The following LOXL4 variants were observed in gnomAD, a reference collection of about 807,000 sequenced individuals.
LOXL4 encodes the protein lysyl oxidase like 4, also known as lysyl oxidase homolog 4.
A neutral mutation model predicts 89.1 loss-of-function variants in LOXL4; 72 were observed. The observed-to-expected ratio is 0.81, with a 90% confidence interval of 0.67 to 0.98. LOXL4 has a LOEUF of 0.98. Among genes scored for constraint, LOXL4 ranks in the 50% least tolerant of loss-of-function variants. The pLI is 0.00. For synonymous variants in LOXL4, 355 were observed against 392.1 expected, an observed-to-expected ratio of 0.91 and a Z score of 1.12; for missense variants, 984 against 1,017.5, an observed-to-expected ratio of 0.97 and a Z score of 0.45.
At chr10:98,267,753 C>T (rs1450709662) in intron 1 of LOXL4, among the ~76,000 whole-genome samples, 1 of 152,198 alleles carries the variant, frequency 6.6e-6, no homozygotes, top group Non-Finnish European at 1.5e-5. Context: ...CCCAGATCAG[C>T]CCTGGTTCGT....
intron 1 of LOXL4, among the ~76,000 whole-genome samples, chr10:98,265,657 C>T (rs1185405220): frequency 1.4e-5 from 1 of 71,470 alleles, no homozygotes; most frequent in Non-Finnish European, 3.5e-5. Flanking sequence ...CTTGGCCTCC[C>T]AAAGTGACGG....
rs373235408 is a variant in LOXL4 at position 98,256,917 on chromosome 10, C to T, written c.1291G>A (p.Glu431Lys). Residue 431 changes from glutamate to lysine, a missense_variant, in exon 9 of 15, where the codon GAG becomes AAG. Coordinates refer to ENST00000260702, the MANE Select transcript of LOXL4 (RefSeq NM_032211.7). ...VRLAGGRIPE[E>K]GLLEVQVEVN... ...TCCACCTGCACCTCCAATAGCCCCT[C>T]CTCAGGGATACGCCCACCAGCCAAG... 16 of 1,614,040 alleles carry T rather than the reference C, an allele frequency of 9.9e-6. No homozygotes were observed. Among genetic ancestry groups the T allele is most frequent in the Middle Eastern group, 1.6e-4 (1 of 6,084 alleles).
Position 98,248,912 on chromosome 10 carries a change from G to A in LOXL4, c.*9C>T. On this transcript the variant is annotated 3_prime_UTR_variant, in exon 15 of 15. Transcript: ENST00000260702. The stretch of plus-strand genomic sequence containing the variant: ...TATCGGCAGCAGCTAGGAGTGTGCA[G>A]TGACAGCTTCAGATGAGGTTGTTCC... The A allele has an allele frequency of 5.0e-6, 8 of 1,611,532 alleles. No homozygotes were observed. Among genetic ancestry groups the A allele is most frequent in the Non-Finnish European group, 6.8e-6 (8 of 1,178,414 alleles).
chr10:98,261,470 G>A (rs1310250501), intron 3 of LOXL4, among the ~76,000 whole-genome samples: 1 of 152,204 alleles, frequency 6.6e-6, no homozygotes, highest in East Asian at 1.9e-4. Flanking sequence ...GGCCTTCTCT[G>A]TACCACCCTG....
chr10:98,257,386 C>G (rs1374418554), intron 8 of LOXL4, among the ~76,000 whole-genome samples: 1 of 152,220 alleles, frequency 6.6e-6, no homozygotes. Context: ...CTGTGGCCCT[C>G]TTTCCCAGGC....
intron 4 of LOXL4, 101 bp downstream of exon 4, chr10:98,260,821 T>C: frequency 2.4e-6 from 3 of 1,265,328 alleles, no homozygotes; most frequent in Non-Finnish European, 3.3e-6. Flanking sequence ...ACACTCAGAC[T>C]CATGCACACA....
At chr10:98,249,119 A>G (rs1282605814) in intron 14 of LOXL4, 128 bp from the exon 15 acceptor site, 6 of 694,314 alleles carry the variant, frequency 8.6e-6, no homozygotes, top group Admixed American at 2.3e-5. Context: ...ACAGACACCA[A>G]TCATTTTATA....
intron 6 of LOXL4, among the ~76,000 whole-genome samples, chr10:98,258,737 C>G (rs563909889): frequency 3.1e-4 from 47 of 152,302 alleles, no homozygotes; most frequent in African/African-American, 1.1e-3. Context: ...AGGATCAGTA[C>G]CAGCCCTCAG....
At chr10:98,249,139 C>G in intron 14 of LOXL4, 148 bp from the exon 15 acceptor site, 2 of 657,974 alleles carry the variant, frequency 3.0e-6, no homozygotes, top group Non-Finnish European at 5.5e-6. Context: ...AGAAATAGGC[C>G]TGGGACAGGT....
chr10:98,267,545 C>T (rs1261063417), intron 1 of LOXL4, among the ~76,000 whole-genome samples: 1 of 152,194 alleles, frequency 6.6e-6, no homozygotes, highest in African/African-American at 2.4e-5. Flanking sequence ...CTCTTCTCAG[C>T]AGCCTCCTCT....
intron 10 of LOXL4, 62 bp downstream of exon 10, chr10:98,255,515 C>T: frequency 6.6e-7 from 1 of 1,522,420 alleles, no homozygotes; most frequent in Non-Finnish European, 8.9e-7. Flanking sequence ...GCATGCAGGG[C>T]CCTCCCTGAA....
At chr10:98,253,876 T>TAACCCTCC in intron 10 of LOXL4, 80 bp from the exon 11 acceptor site, 1 of 1,576,494 alleles carries the variant, frequency 6.3e-7, no homozygotes, top group Non-Finnish European at 8.6e-7. Context: ...AGGGCAAGCT[T>TAACCCTCC]GCCCCCAGAT....
In LOXL4 at chr10:98,253,708, G is replaced by C. The variant is rs778061702; in HGVS notation, c.1680C>G (p.His560Gln). The C allele has an allele frequency of 1.2e-6, 2 of 1,614,256 alleles. No homozygotes were observed. Among genetic ancestry groups the C allele is most frequent in the African/African-American group, 2.7e-5 (2 of 75,072 alleles). ...DRPLSQLYCA[H>Q]EENCLSKSAD... ...CAGACTTGGAGAGGCAGTTCTCCTC[G>C]TGGGCACAATACAGCTGGCTGAGCG... Residue 560 changes from histidine (H) to glutamine (Q), a missense_variant, in exon 11 of 15, where the codon CAC becomes CAG. His to Gln is a conservative substitution (Grantham distance 24, BLOSUM62 0). Transcript: ENST00000260702.
At position 98,259,056 on chromosome 10, in the gene LOXL4, A is replaced by G; in HGVS notation, c.874T>C (p.Phe292Leu). 2.5e-6 allele frequency: 4 copies of G among 1,571,264 alleles called. 1 individual carries two copies. The South Asian group carries it at 4.6e-5, about 18-fold the overall frequency. ...AVVSCVAGPH[F>L]RPPKTKPQRK... ...TGTGGCTTTGTCTTCGGTGGGCGGA[A>G]GTGAGGCCCTGCCACACAGCTGACC... Residue 292 changes from phenylalanine to leucine, a missense_variant, in exon 6 of 15, where the codon TTC becomes CTC. Phe to Leu is a conservative substitution (Grantham distance 22, BLOSUM62 0). Transcript: ENST00000260702.
At chr10:98,253,529 G>T (rs1402182842) in intron 11 of LOXL4, 24 bp downstream of exon 11, 1 of 1,614,004 alleles carries the variant, frequency 6.2e-7, no homozygotes, top group Admixed American at 1.7e-5. Context: ...ACCCTCTAGT[G>T]CCAATGCATG....
In LOXL4 at chr10:98,247,874, G is replaced by C. The variant is rs1461092946; in HGVS notation, c.*1047C>G. On this transcript the variant is annotated 3_prime_UTR_variant, in exon 15 of 15. Transcript: ENST00000260702. The stretch of plus-strand genomic sequence containing the variant: ...CAAGCAGGAATGGTGGCCTTTCCCA[G>C]GTTCCATCCTTAACTAAACTGACTG... The C allele has an allele frequency of 6.6e-6, 1 of 152,184 alleles. No homozygotes were observed. Among genetic ancestry groups the C allele is most frequent in the Non-Finnish European group, 1.5e-5 (1 of 68,042 alleles). 9.4% of individuals were successfully genotyped at this position (152,184 alleles called of 1,614,324 possible).
At position 98,258,091 on chromosome 10, in the gene LOXL4, C is replaced by G. The variant is rs754459132; in HGVS notation, c.995G>C (p.Trp332Ser). The G allele has an allele frequency of 3.7e-6, 6 of 1,613,670 alleles. No homozygotes were observed. In the South Asian group the frequency reaches 6.6e-5, roughly 18 times the overall value. The part of the protein sequence containing the change: ...GRVEVLMNRQ[W>S]GTVCDHRWNL... ...CCACCTGTGGTCACAGACCGTGCCC[C>G]ACTGGCGGTTCATGAGCACTTCCAC... The change falls in exon 7 of 15, where the codon TGG becomes TCG. Residue 332 changes from tryptophan to serine, a missense_variant. By Grantham distance (177) the Trp-to-Ser change is radical (BLOSUM62 -3). Coordinates refer to ENST00000260702, the MANE Select transcript of LOXL4 (RefSeq NM_032211.7).
chr10:98,263,157 C>A, intron 1 of LOXL4, 106 bp from the exon 2 acceptor site: 2 of 666,250 alleles, frequency 3.0e-6, no homozygotes, highest in Non-Finnish European at 2.3e-6. Context: ...AAACCCCCCT[C>A]AAATGTGTGT....
intron 1 of LOXL4, among the ~76,000 whole-genome samples, chr10:98,263,897 A>T (rs945748751): frequency 1.3e-5 from 2 of 151,562 alleles, no homozygotes; most frequent in African/African-American, 4.8e-5. Context: ...CGCCCAGCTA[A>T]TTTTTTTGTA....
Sources: gnomAD v4.1 joint callset for allele counts (sites outside exome capture counted in the v4.1 genomes callset) on GRCh38, gnomAD v4.1.1 for gene constraint, MANE v1.5 for transcripts, NCBI Gene and HGNC (gene_info 2026-07-23, HGNC 2026-07-21) for gene names.